KIAA0825: variants seen among roughly 807,000 people sequenced by gnomAD.
The protein encoded by KIAA0825 is uncharacterized protein KIAA0825.
In KIAA0825, 119 loss-of-function variants were observed where a neutral mutation model predicts 147.6. The ratio of observed to expected loss-of-function variants is 0.81; its 90% CI spans 0.69 to 0.94. The LOEUF is 0.94. Ranked by LOEUF, KIAA0825 falls within the 40% of genes least tolerant of loss-of-function variation. The pLI is 0.00. For synonymous variants in KIAA0825, 470 were observed against 518.1 expected (o/e 0.91, Z 1.26); for missense variants, 1,381 against 1,472.7 (o/e 0.94, Z 1.02).
intron 20 of KIAA0825, among the ~76,000 whole-genome samples, chr5:94,169,601 G>T (rs1768414082): frequency 6.6e-6 from 1 of 150,478 alleles, no homozygotes; most frequent in South Asian, 2.1e-4. Context: ...GAATTCAGGA[G>T]AAAATGACAA....
intron 1 of KIAA0825, among the ~76,000 whole-genome samples, chr5:94,599,100 T>G (rs543168533): frequency 3.0e-4 from 45 of 152,264 alleles, no homozygotes; most frequent in African/African-American, 1.0e-3. Flanking sequence ...ACCAACAGTA[T>G]GTAAGAGTTC....
chr5:94,407,862 T>C (rs1752270689), intron 15 of KIAA0825, among the ~76,000 whole-genome samples: 1 of 152,212 alleles, frequency 6.6e-6, no homozygotes, highest in Admixed American at 6.5e-5. Flanking sequence ...GTACATTTGT[T>C]ATAAAAATGC....
Position 94,445,915 on chromosome 5 carries a change from C to T in KIAA0825, c.2358-5794G>A, listed in dbSNP as rs114792286. Among the ~76,000 whole-genome samples, 126 of 152,298 alleles carry T rather than the reference C, an allele frequency of 8.3e-4. 1 individual carries two copies. The highest frequency in any genetic ancestry group is 2.8e-3 in the African/African-American group (118 of 41,572). On this transcript the variant is annotated intron_variant, in intron 13 of 20. Coordinates refer to ENST00000682413, the MANE Select transcript of KIAA0825 (RefSeq NM_001145678.3). ...TCATTACTTCTCCACTGGCTATTGG[C>T]ACTATGTCAATGCTTGGCACCTCAT...
chr5:94,296,556 G>C (rs1020041139), intron 20 of KIAA0825, among the ~76,000 whole-genome samples: 1 of 152,212 alleles, frequency 6.6e-6, no homozygotes, highest in Non-Finnish European at 1.5e-5. Context: ...GGAATCTCCT[G>C]GTCTGGGGTT....
At chr5:94,613,069 G>A (rs888087875) in intron 1 of KIAA0825, among the ~76,000 whole-genome samples, 1 of 152,158 alleles carries the variant, frequency 6.6e-6, no homozygotes, top group Non-Finnish European at 1.5e-5. Flanking sequence ...GAATTCAGTT[G>A]TTTACATTAT....
chr5:94,604,654 GT>G (rs1246288266), intron 1 of KIAA0825, among the ~76,000 whole-genome samples: 2 of 152,100 alleles, frequency 1.3e-5, no homozygotes, highest in African/African-American at 4.8e-5. Context: ...TGACTTTTGA[GT>G]AAATAATGAA....
At chr5:94,392,413 A>C (rs956940426) in intron 17 of KIAA0825, among the ~76,000 whole-genome samples, 15 of 152,226 alleles carry the variant, frequency 9.9e-5, no homozygotes, top group Admixed American at 3.9e-4. Flanking sequence ...AGAATGATCT[A>C]TATACATATT....
At chr5:94,465,714 A>C (rs1349610727) in intron 10 of KIAA0825, among the ~76,000 whole-genome samples, 3 of 152,228 alleles carry the variant, frequency 2.0e-5, no homozygotes, top group Non-Finnish European at 4.4e-5. Context: ...ATCATTTCTT[A>C]GTATTTTTAT....
At chr5:94,499,591 G>T (rs563415238) in intron 5 of KIAA0825, among the ~76,000 whole-genome samples, 10 of 148,884 alleles carry the variant, frequency 6.7e-5, no homozygotes, top group South Asian at 4.6e-4. Flanking sequence ...AATCTGGGGG[G>T]GGGGGGGGAC....
intron 13 of KIAA0825, among the ~76,000 whole-genome samples, chr5:94,450,855 G>T (rs200655141): frequency 6.6e-6 from 1 of 152,160 alleles, no homozygotes; most frequent in Admixed American, 6.5e-5. Context: ...GATTTTTCAT[G>T]TACACCTGTT....
At chr5:94,421,360 A>G (rs187146974) in intron 14 of KIAA0825, among the ~76,000 whole-genome samples, 3 of 152,320 alleles carry the variant, frequency 2.0e-5, no homozygotes. Context: ...TGGCTTAGCA[A>G]TTCTGTTTTC....
intron 20 of KIAA0825, among the ~76,000 whole-genome samples, chr5:94,176,919 A>T (rs1182435464): frequency 6.6e-6 from 1 of 152,150 alleles, no homozygotes; most frequent in Non-Finnish European, 1.5e-5. Flanking sequence ...TAGTTCTCTC[A>T]GTAAGTAACT....
intron 14 of KIAA0825, among the ~76,000 whole-genome samples, chr5:94,435,680 T>G (rs150563889): frequency 5.9e-5 from 9 of 152,302 alleles, no homozygotes; most frequent in African/African-American, 2.2e-4. Context: ...TGTCTCTAGG[T>G]CTCTGAGCAA....
chr5:94,191,478 A>G (rs1349359134), intron 20 of KIAA0825, among the ~76,000 whole-genome samples: 2 of 152,220 alleles, frequency 1.3e-5, no homozygotes, highest in African/African-American at 4.8e-5. Context: ...CATTTACCCA[A>G]TCATTTTAAA....
In KIAA0825 at chr5:94,391,802, A is replaced by C. The variant is rs1412217771; in HGVS notation, c.3297-108T>G. On this transcript the variant is annotated intron_variant, in intron 17 of 20. Transcript: ENST00000682413. ...TTGATGTAAATCTCAGATTCAAAGCATCCATAAAGACTACGCTGAAATAGG... is the reference window on the plus strand; with the variant it reads ...TTGATGTAAATCTCAGATTCAAAGCCTCCATAAAGACTACGCTGAAATAGG... 4.2e-6 allele frequency: 4 copies of C among 953,640 alleles called. No individual in the cohort carries two copies. In the African/African-American group the frequency reaches 6.7e-5, roughly 16 times the overall value. 59.1% of individuals were successfully genotyped at this position (953,640 alleles called of 1,614,324 possible). A position where few individuals can be genotyped will look rare whatever the true frequency, so the allele number is the denominator to read the frequency against.
chr5:94,160,941 C>T (rs1349562894), intron 20 of KIAA0825, among the ~76,000 whole-genome samples: 1 of 152,094 alleles, frequency 6.6e-6, no homozygotes, highest in Non-Finnish European at 1.5e-5. Context: ...TACATGTGAG[C>T]TTTTCTCAGG....
At chr5:94,616,672 C>A (rs1790596464) in intron 1 of KIAA0825, among the ~76,000 whole-genome samples, 1 of 152,082 alleles carries the variant, frequency 6.6e-6, no homozygotes, top group Non-Finnish European at 1.5e-5. Flanking sequence ...CTGCATTTGC[C>A]CCAAGTGTTA....
intron 20 of KIAA0825, among the ~76,000 whole-genome samples, chr5:94,226,320 A>G (rs969055310): frequency 1.3e-5 from 2 of 152,188 alleles, no homozygotes; most frequent in Non-Finnish European, 1.5e-5. Context: ...ATGAGATACC[A>G]TCTCATGCCA....
At chr5:94,272,096 T>C (rs1459754888) in intron 20 of KIAA0825, among the ~76,000 whole-genome samples, 5 of 132,984 alleles carry the variant, frequency 3.8e-5, no homozygotes, top group Non-Finnish European at 6.3e-5. Flanking sequence ...TTCTCACTTA[T>C]TTGTAGGAGC....
Sources: allele counts gnomAD v4.1 joint callset (sites outside exome capture counted in the v4.1 genomes callset), GRCh38; gene constraint gnomAD v4.1.1; transcripts MANE v1.5; gene names NCBI Gene and HGNC (gene_info 2026-07-23, HGNC 2026-07-21).